Variants in GNAL observed in about 807,000 individuals in gnomAD.
GNAL encodes the protein guanine nucleotide-binding protein G(olf) subunit alpha.
A neutral mutation model predicts 55.1 loss-of-function variants in GNAL; 18 were observed. The observed-to-expected ratio is 0.33, with a 90% CI of 0.23 to 0.48. The LOEUF (loss-of-function observed/expected upper bound fraction) is 0.48, where lower values mean the gene tolerates loss of function less well. Ranked by LOEUF, GNAL falls within the 20% of genes least tolerant of loss-of-function variation. The pLI is 0.99. For missense variants in GNAL, 412 were observed against 614.1 expected (o/e 0.67, Z 3.48); for synonymous variants, 253 against 237.0 (o/e 1.07, Z -0.62).
At chr18:11,758,874 A>G (rs1204623012) in intron 4 of GNAL, among the ~76,000 whole-genome samples, 2 of 152,202 alleles carry the variant, frequency 1.3e-5, no homozygotes, top group African/African-American at 4.8e-5. Flanking sequence ...CTGATCATTT[A>G]TGAAATAGGA....
At chr18:11,731,301 C>G (rs2032334641) in intron 1 of GNAL, among the ~76,000 whole-genome samples, 1 of 152,260 alleles carries the variant, frequency 6.6e-6, no homozygotes, top group Non-Finnish European at 1.5e-5. Flanking sequence ...GCCCACGCCA[C>G]TATGCCCAGC....
In GNAL at chr18:11,689,685, T is replaced by A; in HGVS notation, c.122T>A (p.Val41Asp). ...QPAPAPALAP[V>D]RAAARDTART... ...GCCCCGGCCCCGGCCCTGGCCCCAG[T>A]CCGGGCGGCCGCAAGGGACACGGCC... The change falls in exon 1 of 12, where the codon GTC (valine) becomes GAC (aspartate). Residue 41 changes from valine (V) to aspartate (D), a missense_variant. This residue lies in a region of GNAL where 228 missense variants were observed against 194.8 expected (regional missense o/e 1.17). Transcript: ENST00000334049. 6.9e-7 allele frequency: 1 copy of A among 1,459,698 alleles called. No individual in the cohort carries two copies. The highest frequency in any genetic ancestry group is 1.3e-5 in the South Asian group (1 of 76,376). 90.4% of individuals were successfully genotyped at this position (1,459,698 alleles called of 1,614,324 possible).
At chr18:11,827,027 G>T (rs1207121598) in intron 5 of GNAL, among the ~76,000 whole-genome samples, 2 of 152,174 alleles carry the variant, frequency 1.3e-5, no homozygotes, top group African/African-American at 2.4e-5. Flanking sequence ...CCAGCAGAGG[G>T]CACAGGTCGT....
chr18:11,761,417 A>T (rs774024376), intron 4 of GNAL, among the ~76,000 whole-genome samples: 1 of 151,494 alleles, frequency 6.6e-6, no homozygotes, highest in Non-Finnish European at 1.5e-5. Context: ...GTTACCATGG[A>T]CCTCCCTTCC....
chr18:11,694,724 TAGTC>T (rs965976055), intron 1 of GNAL, among the ~76,000 whole-genome samples: 18 of 152,184 alleles, frequency 1.2e-4, no homozygotes, highest in African/African-American at 3.6e-4. Flanking sequence ...AGGTATGTGT[TAGTC>T]AGCTTGCTTA....
At chr18:11,855,448 G>T (rs538180763) in intron 5 of GNAL, among the ~76,000 whole-genome samples, 10 of 152,096 alleles carry the variant, frequency 6.6e-5, no homozygotes, top group Non-Finnish European at 1.3e-4. Context: ...TTCTAACATG[G>T]ATTTAGGATT....
At chr18:11,708,585 G>A (rs1001047311) in intron 1 of GNAL, among the ~76,000 whole-genome samples, 2 of 152,196 alleles carry the variant, frequency 1.3e-5, no homozygotes, top group Non-Finnish European at 2.9e-5. Flanking sequence ...TTGGAAAAAT[G>A]GTGCCAATAG....
At chr18:11,871,282 G>A (rs371347974) in intron 9 of GNAL, among the ~76,000 whole-genome samples, 9 of 145,876 alleles carry the variant, frequency 6.2e-5, no homozygotes, top group Admixed American at 5.5e-4. Context: ...ACAGAGTCTC[G>A]CTCTGTCCCC....
At chr18:11,867,815 A>G (rs2036299315) in intron 8 of GNAL, among the ~76,000 whole-genome samples, 1 of 142,552 alleles carries the variant, frequency 7.0e-6, no homozygotes, top group South Asian at 2.2e-4. Context: ...AGACTCTGTC[A>G]AAAAAAAATA....
At chr18:11,841,352 A>G (rs922534174) in intron 5 of GNAL, among the ~76,000 whole-genome samples, 7 of 152,152 alleles carry the variant, frequency 4.6e-5, no homozygotes, top group Non-Finnish European at 1.0e-4. Context: ...TGGTTCCCGG[A>G]AAAGATATAC....
At chr18:11,705,189 A>G (rs1049556544) in intron 1 of GNAL, among the ~76,000 whole-genome samples, 2 of 152,216 alleles carry the variant, frequency 1.3e-5, no homozygotes, top group African/African-American at 4.8e-5. Context: ...AAGTCCTCAT[A>G]TAAATGGAAT....
chr18:11,885,472 A>G lies in GNAL; in HGVS notation c.*4337A>G. Reference sequence around the variant, plus strand: ...GGACGGTGCCCTGCCCTCGCTTCTCACATTAACTGCCCAGGAATGTCATGC... The same window carrying G: ...GGACGGTGCCCTGCCCTCGCTTCTCGCATTAACTGCCCAGGAATGTCATGC... On this transcript the variant is annotated 3_prime_UTR_variant, in exon 12 of 12. Coordinates refer to ENST00000334049, the MANE Select transcript of GNAL (RefSeq NM_182978.4). 1.6e-6 allele frequency: 1 copy of G among 625,022 alleles called. No homozygotes were observed. The allele number at this position is 625,022 out of a possible 1,614,324, so 38.7% of individuals were successfully genotyped here.
chr18:11,747,896 G>A (rs2032726443), intron 1 of GNAL, among the ~76,000 whole-genome samples: 1 of 152,074 alleles, frequency 6.6e-6, no homozygotes, highest in Admixed American at 6.5e-5. Context: ...GCAGCCCTGG[G>A]TCCCCGCAGG....
chr18:11,881,244 C>G lies in GNAL; in HGVS notation c.*109C>G. The G allele has an allele frequency of 8.7e-7, 1 of 1,147,820 alleles. No homozygotes were observed. The highest frequency in any genetic ancestry group is 1.5e-5 in the South Asian group (1 of 66,040). 71.1% of individuals were successfully genotyped at this position (1,147,820 alleles called of 1,614,324 possible). On this transcript the variant is annotated 3_prime_UTR_variant, in exon 12 of 12. Transcript: ENST00000334049. This position sits in a 1 kb window ranked among gnomAD's most constrained non-coding sequence, Gnocchi z 4.8. ...TAGTTCCATCTCGCTGCCGTCTGTC[C>G]CGTTCTGTGTCGACCACCAAGCCTC...
At chr18:11,875,032 A>G (rs1370840057) in intron 10 of GNAL, among the ~76,000 whole-genome samples, 1 of 152,236 alleles carries the variant, frequency 6.6e-6, no homozygotes, top group African/African-American at 2.4e-5. Context: ...ATAGGACCAC[A>G]TGAATGTGGA....
intron 4 of GNAL, among the ~76,000 whole-genome samples, chr18:11,789,168 G>A (rs1479272850): frequency 6.6e-6 from 1 of 151,824 alleles, no homozygotes; most frequent in Non-Finnish European, 1.5e-5. Context: ...CAACACAGAG[G>A]AGCAGTTGAG....
rs143598914 is a variant in GNAL, at chr18:11,729,087, G to T, written c.377-23766G>T. Among the ~76,000 whole-genome samples the T allele has an allele frequency of 6.1e-3, 928 of 152,002 alleles. 5 individuals are homozygous for T. The highest frequency in any genetic ancestry group is 0.021 in the African/African-American group (878 of 41,404). On this transcript the variant is annotated intron_variant, in intron 1 of 11. Transcript: ENST00000334049. ...TCTTTGGTGTTTTTATTGATGATTT[G>T]GTATTTGGCCGCAAACGAGATAGTT...
intron 5 of GNAL, among the ~76,000 whole-genome samples, chr18:11,845,657 G>A (rs1372465080): frequency 6.6e-6 from 1 of 151,954 alleles, no homozygotes; most frequent in African/African-American, 2.4e-5. Flanking sequence ...AGAGAAATGG[G>A]CCCAGTTGAG....
At chr18:11,869,731 G>A (rs9962057) in intron 9 of GNAL, among the ~76,000 whole-genome samples, 8,917 of 152,078 alleles carry the variant, frequency 0.059, 304 homozygotes, top group African/African-American at 0.088. Flanking sequence ...TGGGCAACAT[G>A]TTGAAACCCT....
Sources: allele counts gnomAD v4.1 joint callset (sites outside exome capture counted in the v4.1 genomes callset), GRCh38; gene constraint gnomAD v4.1.1; regional missense constraint gnomAD v4.1.1; non-coding constraint Gnocchi (gnomAD v3.1); transcripts MANE v1.5; gene names NCBI Gene and HGNC (gene_info 2026-07-23, HGNC 2026-07-21).